Variants in ATXN10 observed in about 807,000 individuals in gnomAD.
The protein encoded by ATXN10 is ataxin 10, also known as ataxin-10.
In ATXN10, 28 loss-of-function variants were observed where a neutral mutation model predicts 52.9. The ratio of observed to expected loss-of-function variants is 0.53; its 90% CI spans 0.39 to 0.73. ATXN10 has a LOEUF of 0.73. Among genes scored for constraint, ATXN10 ranks in the 30% least tolerant of loss-of-function variants. The pLI is 0.00. For missense variants in ATXN10, 565 were observed against 577.0 expected (o/e 0.98, Z 0.21); for synonymous variants, 226 against 221.5 (o/e 1.02, Z -0.18).
Position 45,742,640 on chromosome 22 carries a change from C to T in ATXN10, c.1173+2102C>T, listed in dbSNP as rs1025361307. On this transcript the variant is annotated intron_variant, in intron 9 of 11. Transcript: ENST00000252934. ...AATCATCTAGTCTGAAAAACAAAAG[C>T]GGGGAGAAAGATTGAAAATAAAACG... Among the ~76,000 whole-genome samples the T allele has an allele frequency of 4.6e-5, 7 of 151,988 alleles. No individual in the cohort carries two copies. In the South Asian group the frequency reaches 6.3e-4, roughly 14 times the overall value.
intron 9 of ATXN10, among the ~76,000 whole-genome samples, chr22:45,753,996 C>T (rs76800202): frequency 0.085 from 12,949 of 152,274 alleles, 709 homozygotes; most frequent in Middle Eastern, 0.16. Context: ...GGAACCTTGT[C>T]CTAGTTGGAT....
At chr22:45,720,238 C>T (rs887497096) in intron 6 of ATXN10, among the ~76,000 whole-genome samples, 1 of 151,504 alleles carries the variant, frequency 6.6e-6, no homozygotes, top group African/African-American at 2.4e-5. Context: ...CCTATGGAAT[C>T]TTTGACTAGA....
In ATXN10 at chr22:45,754,089, A is replaced by G. The variant is rs942233108; in HGVS notation, c.1173+13551A>G. The stretch of plus-strand genomic sequence containing the variant: ...GATGCTCACACTGCCCAGTGGCAGG[A>G]CGCAACCTGGGTTCCTGAGCCTTAT... On this transcript the variant is annotated intron_variant, in intron 9 of 11. Transcript: ENST00000252934. This position sits in a 1 kb window ranked among gnomAD's most constrained non-coding sequence, Gnocchi z 5.4. 2.6e-5 allele frequency among the ~76,000 whole-genome samples: 4 copies of G among 151,868 alleles called. No individual in the cohort carries two copies. The highest frequency in any genetic ancestry group is 9.7e-5 in the African/African-American group (4 of 41,430).
At chr22:45,695,651 A>G (rs1923577896) in intron 3 of ATXN10, among the ~76,000 whole-genome samples, 1 of 151,816 alleles carries the variant, frequency 6.6e-6, no homozygotes, top group South Asian at 2.1e-4. Context: ...CTGCCGCCGC[A>G]CTCGGCTGAT....
intron 9 of ATXN10, chr22:45,793,655 G>T: frequency 7.1e-7 from 1 of 1,405,470 alleles, no homozygotes; most frequent in African/African-American, 1.5e-5. Flanking sequence ...TGCCAAGGAT[G>T]CAGGTGCCAC....
At position 45,689,703 on chromosome 22, in the gene ATXN10, C is replaced by CT; in HGVS notation, c.117-4dup. ...TTTTCTGATTCGTGATAATTTTATCCTTTTTCAGAGAAACAGCACCCAGGA... is the reference window on the plus strand; with the variant it reads ...TTTTCTGATTCGTGATAATTTTATCCTTTTTTCAGAGAAACAGCACCCAGGA... On this transcript the variant is annotated splice_polypyrimidine_tract_variant and intron_variant, in intron 1 of 11. Coordinates refer to ENST00000252934, the MANE Select transcript of ATXN10 (RefSeq NM_013236.4). 2 of 1,612,542 alleles carry CT rather than the reference C, an allele frequency of 1.2e-6. No individual in the cohort carries two copies. The highest frequency in any genetic ancestry group is 2.2e-5 in the South Asian group (2 of 91,018).
intron 1 of ATXN10, among the ~76,000 whole-genome samples, chr22:45,687,443 G>A (rs892946908): frequency 2.0e-5 from 3 of 152,188 alleles, no homozygotes; most frequent in South Asian, 2.1e-4. Flanking sequence ...GAGGCAGACG[G>A]CAAAGGATCA....
chr22:45,701,450 A>G lies in ATXN10; in HGVS notation c.488+1072A>G, dbSNP rs1181390727. 6.6e-6 allele frequency among the ~76,000 whole-genome samples: 1 copy of G among 152,190 alleles called. No individual in the cohort carries two copies. The highest frequency in any genetic ancestry group is 1.9e-4 in the East Asian group (1 of 5,202). Reference sequence around the variant, plus strand: ...GTGAAGTATAGCGTTAAGATGGGATAAACTCTAATTCACCTGTAGCTCATG... The same window carrying G: ...GTGAAGTATAGCGTTAAGATGGGATGAACTCTAATTCACCTGTAGCTCATG... On this transcript the variant is annotated intron_variant, in intron 4 of 11. Transcript: ENST00000252934. The surrounding 1 kb of genome is among the most constrained non-coding windows in gnomAD (Gnocchi z 4.2).
At chr22:45,731,434 C>CTTAAA (rs1925085392) in intron 7 of ATXN10, among the ~76,000 whole-genome samples, 1 of 152,142 alleles carries the variant, frequency 6.6e-6, no homozygotes, top group Non-Finnish European at 1.5e-5. Context: ...GTACTGTATG[C>CTTAAA]TTAAGATGGG....
intron 6 of ATXN10, among the ~76,000 whole-genome samples, chr22:45,721,096 T>A (rs1274596011): frequency 6.6e-6 from 1 of 152,238 alleles, no homozygotes; most frequent in African/African-American, 2.4e-5. Context: ...AGTTGACTTC[T>A]TCACCCAGAG....
chr22:45,759,108 A>G lies in ATXN10; in HGVS notation c.1173+18570A>G, dbSNP rs1337686886. On this transcript the variant is annotated intron_variant, in intron 9 of 11. Coordinates refer to ENST00000252934, the MANE Select transcript of ATXN10 (RefSeq NM_013236.4). The surrounding 1 kb of genome is among the most constrained non-coding windows in gnomAD (Gnocchi z 5.4). ...CTGCCAGAGAAACAAATATTGATTA[A>G]GAGCACACTGTGTGCCAAGCATTAT... 1.3e-5 allele frequency among the ~76,000 whole-genome samples: 2 copies of G among 152,246 alleles called. No individual in the cohort carries two copies. Among genetic ancestry groups the G allele is most frequent in the South Asian group, 4.1e-4 (2 of 4,838 alleles).
At chr22:45,713,002 T>C (rs1924307995) in intron 5 of ATXN10, among the ~76,000 whole-genome samples, 1 of 152,158 alleles carries the variant, frequency 6.6e-6, no homozygotes, top group South Asian at 2.1e-4. Flanking sequence ...TTTGAACTGA[T>C]TGAAATCTAT....
Position 45,833,869 on chromosome 22 carries a change from G to A in ATXN10, c.1238-9122G>A, listed in dbSNP as rs1026469412. Among the ~76,000 whole-genome samples the A allele has an allele frequency of 6.6e-6, 1 of 152,144 alleles. No homozygotes were observed. The highest frequency in any genetic ancestry group is 1.5e-5 in the Non-Finnish European group (1 of 68,028). On this transcript the variant is annotated intron_variant, in intron 10 of 11. Transcript: ENST00000252934. This position sits in a 1 kb window ranked among gnomAD's most constrained non-coding sequence, Gnocchi z 4.3. ...GCACACTTAGCAGCGATACGGCATCGCGATCAGGGGAGCGGATGCCAGAGC... is the reference window on the plus strand; with the variant it reads ...GCACACTTAGCAGCGATACGGCATCACGATCAGGGGAGCGGATGCCAGAGC...
Position 45,705,226 on chromosome 22 carries a change from T to A in ATXN10, c.647+2379T>A, listed in dbSNP as rs182057826. On this transcript the variant is annotated intron_variant, in intron 5 of 11. Transcript: ENST00000252934. The surrounding 1 kb of genome is among the most constrained non-coding windows in gnomAD (Gnocchi z 5.2). ...ATATTGGTTTGTAGCTTTTTTTTCT[T>A]TTTGTGATTTCTTTTTCTGGTTTTG... 2.3e-3 allele frequency among the ~76,000 whole-genome samples: 352 copies of A among 152,310 alleles called. 3 individuals are homozygous for A. The highest frequency in any genetic ancestry group is 8.1e-3 in the African/African-American group (338 of 41,582).
At chr22:45,793,626 A>G in intron 9 of ATXN10, 1 of 1,353,858 alleles carries the variant, frequency 7.4e-7, no homozygotes, top group Non-Finnish European at 9.6e-7. Flanking sequence ...CAGAAGTCAC[A>G]GTCTGTTCCA....
At chr22:45,829,558 C>G (rs1023616463) in intron 10 of ATXN10, among the ~76,000 whole-genome samples, 2 of 152,058 alleles carry the variant, frequency 1.3e-5, no homozygotes, top group African/African-American at 4.8e-5. Context: ...AAAGTCAACA[C>G]ACAAAAATCA....
intron 4 of ATXN10, 148 bp from the exon 5 acceptor site, chr22:45,702,541 A>G (rs1202456540): frequency 2.9e-6 from 2 of 686,000 alleles, no homozygotes; most frequent in South Asian, 2.0e-5. Context: ...CTATTTTTAC[A>G]GTAAATAATC....
chr22:45,802,616 T>G (rs1054602630), intron 9 of ATXN10, among the ~76,000 whole-genome samples: 3 of 152,234 alleles, frequency 2.0e-5, no homozygotes, highest in Non-Finnish European at 4.4e-5. Flanking sequence ...TTCCCTTGTA[T>G]CCTTTCCTAA....
chr22:45,700,136 A>G, intron 3 of ATXN10, 146 bp from the exon 4 acceptor site: 1 of 639,702 alleles, frequency 1.6e-6, no homozygotes. Flanking sequence ...TTATTCCCAA[A>G]GTGAACTTGT....
Sources: gnomAD v4.1 joint callset for allele counts (sites outside exome capture counted in the v4.1 genomes callset) on GRCh38, gnomAD v4.1.1 for gene constraint, Gnocchi (gnomAD v3.1) non-coding constraint, MANE v1.5 for transcripts, NCBI Gene and HGNC (gene_info 2026-07-23, HGNC 2026-07-21) for gene names.